The following FAM117B variants were observed in gnomAD, a reference collection of about 807,000 sequenced individuals.
The protein encoded by FAM117B is family with sequence similarity 117 member B.
FAM117B carries 22 observed loss-of-function variants against 52.8 expected under a neutral mutation model. The ratio of observed to expected loss-of-function variants is 0.42; its 90% confidence interval spans 0.30 to 0.59. The LOEUF is 0.59. Ranked by LOEUF, FAM117B falls within the 20% of genes least tolerant of loss-of-function variation. The pLI is 0.22. For synonymous variants in FAM117B, 309 were observed against 324.1 expected (o/e 0.95, Z 0.50); for missense variants, 678 against 802.6 (o/e 0.84, Z 1.88).
rs1351350464 is a variant in FAM117B at position 202,740,173 on chromosome 2, CCAAAAAAAAAAAAA to C, written c.960+13811_960+13824del. Among the ~76,000 whole-genome samples the C allele has an allele frequency of 6.2e-3, 432 of 69,700 alleles. 13 individuals carry two copies. The highest frequency in any genetic ancestry group is 8.5e-3 in the Admixed American group (39 of 4,592). 45.7% of individuals were successfully genotyped at this position (69,700 alleles called of 152,430 possible). A position where few individuals can be genotyped will look rare whatever the true frequency, so the allele number is the denominator to read the frequency against. On this transcript the variant is annotated intron_variant, in intron 4 of 7. Transcript: ENST00000392238. Reference sequence around the variant, plus strand: ...GGAGGACAGAGCGAGACTTCATCCCCCAAAAAAAAAAAAAAAAAAAAAAAAAAAATCCCCAAATT... The same window carrying C: ...GGAGGACAGAGCGAGACTTCATCCCCAAAAAAAAAAAAAAATCCCCAAATT...
intron 1 of FAM117B, among the ~76,000 whole-genome samples, chr2:202,645,056 C>T (rs1030581625): frequency 1.3e-5 from 2 of 151,978 alleles, no homozygotes; most frequent in Non-Finnish European, 2.9e-5. Flanking sequence ...TCTTGGAGCA[C>T]ATCTGTAATT....
intron 1 of FAM117B, among the ~76,000 whole-genome samples, chr2:202,667,562 A>G (rs887047750): frequency 1.2e-4 from 18 of 152,128 alleles, no homozygotes; most frequent in African/African-American, 3.6e-4. Context: ...AATTATTACA[A>G]TGAAGGTGAT....
intron 2 of FAM117B, among the ~76,000 whole-genome samples, chr2:202,714,550 T>TTA (rs1323608370): frequency 9.5e-5 from 14 of 147,342 alleles, no homozygotes; most frequent in Non-Finnish European, 2.0e-4. Flanking sequence ...TTTTTTTTTT[T>TTA]ATTGATCATT....
chr2:202,660,094 T>C (rs531418983), intron 1 of FAM117B, among the ~76,000 whole-genome samples: 7 of 152,172 alleles, frequency 4.6e-5, no homozygotes, highest in Non-Finnish European at 1.0e-4. Flanking sequence ...AGTTCTTTTT[T>C]ATAGTTTCAA....
intron 1 of FAM117B, among the ~76,000 whole-genome samples, chr2:202,644,284 T>C (rs1170228112): frequency 6.6e-6 from 1 of 152,118 alleles, no homozygotes; most frequent in Non-Finnish European, 1.5e-5. Flanking sequence ...TAAATAACTT[T>C]TTGTGGTCTT....
chr2:202,641,951 T>C (rs1247267464), intron 1 of FAM117B, among the ~76,000 whole-genome samples: 2 of 149,066 alleles, frequency 1.3e-5, no homozygotes, highest in Non-Finnish European at 3.0e-5. Flanking sequence ...TATTTTCTTT[T>C]TTTTTTTTTT....
intron 1 of FAM117B, among the ~76,000 whole-genome samples, chr2:202,667,787 AG>A (rs1267581783): frequency 5.9e-5 from 9 of 152,110 alleles, no homozygotes; most frequent in African/African-American, 2.2e-4. Flanking sequence ...CAGTCTTTGG[AG>A]GCCTTTGGGA....
Position 202,635,725 on chromosome 2 carries a change from T to C in FAM117B, c.538T>C (p.Ser180Pro). Reference sequence around the variant, plus strand: ...AGCCCGCGTCCGGCATCGGAGGAGGTCTCCGGAGCAGAGCCGAAGCTCGCC... The same window carrying C: ...AGCCCGCGTCCGGCATCGGAGGAGGCCTCCGGAGCAGAGCCGAAGCTCGCC... ...PPARVRHRRR[S>P]PEQSRSSPEK... The change falls in exon 1 of 8, where the codon TCT becomes CCT. Residue 180 changes from serine to proline, a missense_variant. Transcript: ENST00000392238. The C allele has an allele frequency of 1.4e-6, 2 of 1,440,962 alleles. No individual in the cohort carries two copies. Among genetic ancestry groups the C allele is most frequent in the Admixed American group, 2.5e-5 (1 of 39,586 alleles). 89.3% of individuals were successfully genotyped at this position (1,440,962 alleles called of 1,614,324 possible). A position where few individuals can be genotyped will look rare whatever the true frequency, so the allele number is the denominator to read the frequency against.
At chr2:202,706,975 TC>T (rs1199127690) in intron 2 of FAM117B, among the ~76,000 whole-genome samples, 1 of 152,240 alleles carries the variant, frequency 6.6e-6, no homozygotes, top group Non-Finnish European at 1.5e-5. Flanking sequence ...TGTGTTCCTG[TC>T]CTTTCTTATT....
chr2:202,635,060 G>T lies in FAM117B; in HGVS notation c.-128G>T. The T allele has an allele frequency of 8.3e-7, 1 of 1,210,318 alleles. No homozygotes were observed. Among genetic ancestry groups the T allele is most frequent in the Non-Finnish European group, 1.0e-6 (1 of 960,062 alleles). The allele number at this position is 1,210,318 out of a possible 1,614,324, so 75.0% of individuals were successfully genotyped here. ...GCCTGCCCCGGCCCGGTCTCCCCCT[G>T]CACCCCGGAGTCCGGCTTCGTCACC... is the stretch of plus-strand genomic sequence containing the variant. On this transcript the variant is annotated 5_prime_UTR_variant, in exon 1 of 8. Transcript: ENST00000392238.
chr2:202,717,907 C>G (rs1320357512), intron 2 of FAM117B, among the ~76,000 whole-genome samples: 1 of 152,194 alleles, frequency 6.6e-6, no homozygotes, highest in Non-Finnish European at 1.5e-5. Context: ...TTCCCCAGGC[C>G]CTGGGCAGGT....
At chr2:202,679,469 A>G (rs1402712336) in intron 1 of FAM117B, among the ~76,000 whole-genome samples, 1 of 152,238 alleles carries the variant, frequency 6.6e-6, no homozygotes. Flanking sequence ...AGGAATATAT[A>G]GAATGTGTGT....
chr2:202,669,161 TG>T (rs1690253677), intron 1 of FAM117B, among the ~76,000 whole-genome samples: 4 of 152,098 alleles, frequency 2.6e-5, no homozygotes, highest in Admixed American at 2.6e-4. Flanking sequence ...TGTAAAATGG[TG>T]TTAGGGACAG....
At position 202,731,345 on chromosome 2, in the gene FAM117B, A is replaced by G. The variant is rs942483813; in HGVS notation, c.960+4982A>G. On this transcript the variant is annotated intron_variant, in intron 4 of 7. Transcript: ENST00000392238. The stretch of plus-strand genomic sequence containing the variant: ...TGGAGAAATTGGAATATATATATAT[A>G]TATATATATATATATATATATATGG... Among the ~76,000 whole-genome samples, 11 of 125,520 alleles carry G rather than the reference A, an allele frequency of 8.8e-5. 1 individual carries two copies. The highest frequency in any genetic ancestry group is 2.6e-4 in the African/African-American group (9 of 35,184). 82.3% of individuals were successfully genotyped at this position (125,520 alleles called of 152,430 possible).
intron 1 of FAM117B, among the ~76,000 whole-genome samples, chr2:202,660,048 TTTTA>T (rs1690107018): frequency 6.6e-6 from 1 of 152,130 alleles, no homozygotes; most frequent in Non-Finnish European, 1.5e-5. Context: ...ATTCAGTAAT[TTTTA>T]TTTTAGTTTT....
chr2:202,649,244 A>G (rs1044034901), intron 1 of FAM117B, among the ~76,000 whole-genome samples: 15 of 152,110 alleles, frequency 9.9e-5, no homozygotes, highest in Non-Finnish European at 1.9e-4. Flanking sequence ...TCAAGGAGTA[A>G]ACTCTTAATT....
At chr2:202,724,044 G>C (rs1196615145) in intron 2 of FAM117B, among the ~76,000 whole-genome samples, 1 of 138,832 alleles carries the variant, frequency 7.2e-6, no homozygotes, top group African/African-American at 2.7e-5. Context: ...AACTACTTAA[G>C]GTTTAACTTT....
chr2:202,719,843 A>G (rs879579388), intron 2 of FAM117B, among the ~76,000 whole-genome samples: 2 of 152,170 alleles, frequency 1.3e-5, no homozygotes, highest in Non-Finnish European at 2.9e-5. Flanking sequence ...CTTTCATGAC[A>G]TTAATGTTTT....
At chr2:202,654,273 A>AG (rs1690020920) in intron 1 of FAM117B, among the ~76,000 whole-genome samples, 1 of 152,020 alleles carries the variant, frequency 6.6e-6, no homozygotes, top group Admixed American at 6.6e-5. Context: ...AAAAAAAAAA[A>AG]ATCTCAGAGT....
Sources: gnomAD v4.1 joint callset for allele counts (sites outside exome capture counted in the v4.1 genomes callset) on GRCh38, gnomAD v4.1.1 for gene constraint, MANE v1.5 for transcripts, NCBI Gene and HGNC (gene_info 2026-07-23, HGNC 2026-07-21) for gene names.